The following UST variants were observed in gnomAD, a reference collection of about 807,000 sequenced individuals.
UST encodes uronyl 2-sulfotransferase, also known as chondroitin sulfate 2-O-sulfotransferase.
Under a neutral mutation model 45.6 loss-of-function variants are expected in UST, and 21 were observed. The observed-to-expected ratio is 0.46, with a 90% confidence interval of 0.33 to 0.66. The LOEUF is 0.66. Ranked by LOEUF, UST falls within the 30% of genes least tolerant of loss-of-function variation. The probability of loss-of-function intolerance (pLI) is 0.02; values close to 1 mark genes in which losing one functional copy is unlikely to be tolerated. For missense variants in UST, 463 were observed against 512.4 expected, an observed-to-expected ratio of 0.90 and a Z score of 0.93; for synonymous variants, 215 against 200.6, an observed-to-expected ratio of 1.07 and a Z score of -0.61.
intron 3 of UST, among the ~76,000 whole-genome samples, chr6:148,944,519 A>ACACACG (rs1780195130): frequency 6.7e-6 from 1 of 148,754 alleles, no homozygotes; most frequent in African/African-American, 2.5e-5. Flanking sequence ...ACACACACAC[A>ACACACG]CACACACACA....
intron 4 of UST, among the ~76,000 whole-genome samples, chr6:148,957,371 C>T (rs6570915): frequency 0.46 from 70,559 of 152,026 alleles, 17,570 homozygotes; most frequent in African/African-American, 0.65. Flanking sequence ...GTAGCTTTAT[C>T]TAAGGAAAAT....
chr6:149,036,304 G>A (rs114881637), intron 7 of UST, among the ~76,000 whole-genome samples: 182 of 152,258 alleles, frequency 1.2e-3, no homozygotes, highest in African/African-American at 4.1e-3. Context: ...TGACACTCCC[G>A]AGCCATGTCC....
chr6:149,034,935 A>T (rs370431777), intron 7 of UST, among the ~76,000 whole-genome samples: 1 of 144,206 alleles, frequency 6.9e-6, no homozygotes. Context: ...AAATTTTACA[A>T]TATGACTCGG....
chr6:148,813,010 T>G lies in UST; in HGVS notation c.247+65333T>G, dbSNP rs563439102. Reference sequence around the variant, plus strand: ...TATCGGATCATACAGATCAACAATTTAATAGTGCCCCTTTTTCATGTTAAG... The same window carrying G: ...TATCGGATCATACAGATCAACAATTGAATAGTGCCCCTTTTTCATGTTAAG... On this transcript the variant is annotated intron_variant, in intron 1 of 7. Transcript: ENST00000367463. Among the ~76,000 whole-genome samples, 475 of 152,336 alleles carry G rather than the reference T, an allele frequency of 3.1e-3. 3 individuals carry two copies. Among genetic ancestry groups the G allele is most frequent in the African/African-American group, 0.01 (433 of 41,578 alleles).
intron 1 of UST, among the ~76,000 whole-genome samples, chr6:148,825,928 G>C (rs1777560017): frequency 6.6e-6 from 1 of 152,164 alleles, no homozygotes; most frequent in Non-Finnish European, 1.5e-5. Context: ...GTTGTAGGTA[G>C]GGGTGTTGCA....
chr6:148,859,203 A>G (rs1476716000), intron 1 of UST, among the ~76,000 whole-genome samples: 11 of 152,172 alleles, frequency 7.2e-5, no homozygotes, highest in Non-Finnish European at 1.0e-4. Flanking sequence ...GTGAGATGGT[A>G]TCTCATTGTG....
At chr6:148,798,996 A>G (rs1339228672) in intron 1 of UST, among the ~76,000 whole-genome samples, 1 of 152,084 alleles carries the variant, frequency 6.6e-6, no homozygotes, top group Non-Finnish European at 1.5e-5. Flanking sequence ...TGGCTTCCCA[A>G]GTAGCTGGGA....
chr6:148,941,504 A>T (rs1475020508), intron 3 of UST, 70 bp downstream of exon 3: 1 of 1,492,302 alleles, frequency 6.7e-7, no homozygotes, highest in African/African-American at 1.4e-5. Context: ...TGGGTGCCTT[A>T]CAGGTCATCC....
chr6:148,820,513 G>A (rs951197952), intron 1 of UST, among the ~76,000 whole-genome samples: 20 of 151,978 alleles, frequency 1.3e-4, no homozygotes, highest in African/African-American at 4.1e-4. Context: ...TATTAACCTC[G>A]ATATAACTCT....
At chr6:148,986,947 A>G (rs1381859156) in intron 5 of UST, among the ~76,000 whole-genome samples, 1 of 152,266 alleles carries the variant, frequency 6.6e-6, no homozygotes, top group Non-Finnish European at 1.5e-5. Context: ...GCTGATTGAT[A>G]TACATCATCA....
chr6:148,953,986 T>A, intron 4 of UST, 35 bp downstream of exon 4: 3 of 1,507,000 alleles, frequency 2.0e-6, no homozygotes, highest in Non-Finnish European at 2.7e-6. Context: ...TTCTTTCATT[T>A]TCTTCTAATG....
intron 1 of UST, among the ~76,000 whole-genome samples, chr6:148,760,118 C>T (rs1776183840): frequency 6.6e-6 from 1 of 152,112 alleles, no homozygotes; most frequent in Non-Finnish European, 1.5e-5. Flanking sequence ...CATTTTAGGC[C>T]ATCGTTGTCA....
chr6:148,840,608 G>A (rs577359024), intron 1 of UST, among the ~76,000 whole-genome samples: 5 of 152,192 alleles, frequency 3.3e-5, no homozygotes, highest in East Asian at 1.9e-4. Flanking sequence ...CTGTGGATAC[G>A]AAAAGTCAGC....
At chr6:148,823,132 CT>C (rs898333730) in intron 1 of UST, among the ~76,000 whole-genome samples, 85 of 152,290 alleles carry the variant, frequency 5.6e-4, no homozygotes, top group Admixed American at 1.8e-3. Context: ...AGAGACTACT[CT>C]TTTAGTTGAA....
At position 148,987,640 on chromosome 6, in the gene UST, A is replaced by G. The variant is rs145322207; in HGVS notation, c.681+23077A>G. On this transcript the variant is annotated intron_variant, in intron 5 of 7. Coordinates refer to ENST00000367463, the MANE Select transcript of UST (RefSeq NM_005715.3). ...TTTTGACATGGCAAAAGAATCTGTA[A>G]CTTGCCACTTGTACATCACTTCCAA... 7.7e-3 allele frequency among the ~76,000 whole-genome samples: 1,165 copies of G among 152,262 alleles called. 3 individuals carry two copies. The highest frequency in any genetic ancestry group is 0.013 in the Non-Finnish European group (902 of 68,010).
At chr6:149,005,536 CT>C in intron 5 of UST, 1 of 985,392 alleles carries the variant, frequency 1.0e-6, no homozygotes, top group Non-Finnish European at 1.2e-6. Context: ...CTCCAGTGTA[CT>C]TTTCATTCCT....
At position 148,747,689 on chromosome 6, in the gene UST, G is replaced by C. The variant is rs745914052; in HGVS notation, c.247+12G>C. The C allele has an allele frequency of 1.0e-5, 16 of 1,585,228 alleles. No homozygotes were observed. Among genetic ancestry groups the C allele is most frequent in the Middle Eastern group, 1.9e-4 (1 of 5,294 alleles). ...GCGGCAGTACTTGGGTAAGGAAGCT[G>C]GGCAGGCGCTAGGGCGGCGCCGACA... On this transcript the variant is annotated intron_variant, in intron 1 of 7. Transcript: ENST00000367463.
intron 1 of UST, among the ~76,000 whole-genome samples, chr6:148,872,092 G>GA (rs1778570150): frequency 2.0e-5 from 3 of 152,146 alleles, no homozygotes; most frequent in African/African-American, 7.2e-5. Context: ...GAAATGTACT[G>GA]ACTCGTAACA....
chr6:148,946,049 C>T (rs186521478), intron 3 of UST, among the ~76,000 whole-genome samples: 5 of 152,292 alleles, frequency 3.3e-5, no homozygotes, highest in African/African-American at 7.2e-5. Flanking sequence ...TTTTAAATTT[C>T]CCTCTCCTGT....
Sources: gnomAD v4.1 joint callset for allele counts (sites outside exome capture counted in the v4.1 genomes callset) on GRCh38, gnomAD v4.1.1 for gene constraint, MANE v1.5 for transcripts, NCBI Gene and HGNC (gene_info 2026-07-23, HGNC 2026-07-21) for gene names.